The following INPP5D variants were observed in gnomAD, a reference collection of about 807,000 sequenced individuals.
The protein encoded by INPP5D is phosphatidylinositol 3,4,5-trisphosphate 5-phosphatase 1.
A neutral mutation model predicts 122.9 loss-of-function variants in INPP5D; 33 were observed. That is an observed-to-expected ratio of 0.27 (90% confidence interval 0.20 to 0.36). INPP5D has a LOEUF of 0.36. INPP5D is among the 10% of genes least tolerant of loss of function. The pLI is 1.00. For synonymous variants in INPP5D, 584 were observed against 576.2 expected (o/e 1.01, Z -0.19); for missense variants, 1,053 against 1,412.7 (o/e 0.75, Z 4.08).
chr2:233,156,549 C>A (rs146077639), intron 9 of INPP5D, among the ~76,000 whole-genome samples: 7,754 of 152,232 alleles, frequency 0.051, 654 homozygotes, highest in African/African-American at 0.18. Context: ...CCTGCCTCAG[C>A]CTCCCAAAGT....
Position 233,128,856 on chromosome 2 carries a change from C to A in INPP5D, c.525-1652C>A, listed in dbSNP as rs1693239564. 6.6e-6 allele frequency among the ~76,000 whole-genome samples: 1 copy of A among 152,164 alleles called. No individual in the cohort carries two copies. Among genetic ancestry groups the A allele is most frequent in the Non-Finnish European group, 1.5e-5 (1 of 68,034 alleles). On this transcript the variant is annotated intron_variant, in intron 4 of 26. Transcript: ENST00000445964. This position sits in a 1 kb window ranked among gnomAD's most constrained non-coding sequence, Gnocchi z 4.5. The stretch of plus-strand genomic sequence containing the variant: ...GGAAAAGCCTTGTGGCCTTTAGTTT[C>A]AATTTGATTACATATCAAGCCTGGA...
intron 5 of INPP5D, 176 bp downstream of exon 5, chr2:233,130,824 ATGGAATTTGAACAGTAGCTTG>A: frequency 1.3e-6 from 1 of 771,440 alleles, no homozygotes. Flanking sequence ...TCTTGTTATC[ATGGAATTTGAACAGTAGCTTG>A]TGTGTGCTGC....
At chr2:233,156,497 G>T (rs1694057881) in intron 9 of INPP5D, among the ~76,000 whole-genome samples, 1 of 152,136 alleles carries the variant, frequency 6.6e-6, no homozygotes, top group African/African-American at 2.4e-5. Flanking sequence ...GTTTCACCAT[G>T]TTGCCCAGGC....
At chr2:233,169,581 C>T (rs1179811373) in intron 14 of INPP5D, 180 bp downstream of exon 14, 3 of 928,830 alleles carry the variant, frequency 3.2e-6, no homozygotes, top group Admixed American at 3.0e-5. Flanking sequence ...AGTGACCTCA[C>T]GTGTGGAGGA....
intron 5 of INPP5D, among the ~76,000 whole-genome samples, chr2:233,132,267 G>A (rs10176909): frequency 0.039 from 5,868 of 152,318 alleles, 136 homozygotes; most frequent in African/African-American, 0.055. Context: ...AGAAAGAAAT[G>A]TATTTTAAGT....
In INPP5D at chr2:233,189,737, T is replaced by G; in HGVS notation, c.2359-113T>G. 1 of 1,477,690 alleles carries G rather than the reference T, an allele frequency of 6.8e-7. No homozygotes were observed. The highest frequency in any genetic ancestry group is 9.1e-7 in the Non-Finnish European group (1 of 1,101,080). The allele number at this position is 1,477,690 out of a possible 1,614,324, so 91.5% of individuals were successfully genotyped here. A position where few individuals can be genotyped will look rare whatever the true frequency, so the allele number is the denominator to read the frequency against. ...TCTCTTGGGTATGGACAGCAGAGAT[T>G]TAGATCTGATTACTAAGAACACCTT... On this transcript the variant is annotated intron_variant, in intron 21 of 26. Transcript: ENST00000445964. The surrounding 1 kb of genome is among the most constrained non-coding windows in gnomAD (Gnocchi z 5.6).
At chr2:233,185,204 G>A (rs755893527) in intron 20 of INPP5D, among the ~76,000 whole-genome samples, 1 of 152,148 alleles carries the variant, frequency 6.6e-6, no homozygotes, top group Non-Finnish European at 1.5e-5. Flanking sequence ...AGGGCATTTT[G>A]TGAGGGCCTG....
At chr2:233,144,379 C>A (rs1315619993) in intron 6 of INPP5D, among the ~76,000 whole-genome samples, 17 of 102,528 alleles carry the variant, frequency 1.7e-4, no homozygotes, top group Non-Finnish European at 2.2e-4. Flanking sequence ...TGGAGGTGGT[C>A]ATGATCACGG....
At chr2:233,148,287 T>A (rs1182708865) in intron 9 of INPP5D, among the ~76,000 whole-genome samples, 2 of 65,908 alleles carry the variant, frequency 3.0e-5, no homozygotes, top group African/African-American at 1.4e-4. Flanking sequence ...TACAGATGAA[T>A]GATCAGATGG....
chr2:233,190,401 C>A (rs1431653660), intron 22 of INPP5D, among the ~76,000 whole-genome samples: 1 of 152,192 alleles, frequency 6.6e-6, no homozygotes, highest in Non-Finnish European at 1.5e-5. Context: ...GCGGACTCCC[C>A]TCTGCTGACC....
rs1426313813 is a variant in INPP5D at position 233,174,014 on chromosome 2, C to T, written c.1989+2862C>T. Among the ~76,000 whole-genome samples, 4 of 152,228 alleles carry T rather than the reference C, an allele frequency of 2.6e-5. No homozygotes were observed. The South Asian group carries it at 8.3e-4, about 32-fold the overall frequency. On this transcript the variant is annotated intron_variant, in intron 17 of 26. Coordinates refer to ENST00000445964, the MANE Select transcript of INPP5D (RefSeq NM_001017915.3). Reference sequence around the variant, plus strand: ...GATGGTCAATGACATTATCACCCACCTCCACATCTCATCCCATGGAAGGTC... The same window carrying T: ...GATGGTCAATGACATTATCACCCACTTCCACATCTCATCCCATGGAAGGTC...
chr2:233,127,567 CAAAT>C (rs1693198338), intron 4 of INPP5D, among the ~76,000 whole-genome samples: 1 of 152,244 alleles, frequency 6.6e-6, no homozygotes, highest in Admixed American at 6.5e-5. Flanking sequence ...TTAGCCTTCT[CAAAT>C]AAACATAGTT....
chr2:233,124,946 T>C (rs956194653), intron 3 of INPP5D, among the ~76,000 whole-genome samples: 2 of 152,206 alleles, frequency 1.3e-5, no homozygotes, highest in African/African-American at 4.8e-5. Flanking sequence ...AGCAGACTCC[T>C]AGTTGTCTTC....
At chr2:233,114,064 C>T (rs1207683455) in intron 2 of INPP5D, among the ~76,000 whole-genome samples, 3 of 152,206 alleles carry the variant, frequency 2.0e-5, no homozygotes, top group African/African-American at 4.8e-5. Flanking sequence ...GCGCCACCAA[C>T]ACGCCCAGCT....
intron 5 of INPP5D, among the ~76,000 whole-genome samples, chr2:233,131,673 C>G (rs1172439397): frequency 6.6e-6 from 1 of 152,222 alleles, no homozygotes; most frequent in Non-Finnish European, 1.5e-5. Flanking sequence ...GCACTCCAGC[C>G]TGGGTAACAG....
Position 233,168,143 on chromosome 2 carries a change from C to G in INPP5D, c.1556-1162C>G, listed in dbSNP as rs537329407. ...ATCAATAGATCAAATTTTCTAGTAG[C>G]CACATTAAAAAGAAAACAAGTGAAA... On this transcript the variant is annotated intron_variant, in intron 13 of 26. Coordinates refer to ENST00000445964, the MANE Select transcript of INPP5D (RefSeq NM_001017915.3). 1.5e-4 allele frequency among the ~76,000 whole-genome samples: 23 copies of G among 151,844 alleles called. No homozygotes were observed. The Middle Eastern group carries it at 0.014, about 90-fold the overall frequency.
chr2:233,189,988 G>A lies in INPP5D; in HGVS notation c.2446+51G>A. The A allele has an allele frequency of 1.2e-6, 2 of 1,600,282 alleles. No individual in the cohort carries two copies. Among genetic ancestry groups the A allele is most frequent in the South Asian group, 2.2e-5 (2 of 89,404 alleles). On this transcript the variant is annotated intron_variant, in intron 22 of 26. Coordinates refer to ENST00000445964, the MANE Select transcript of INPP5D (RefSeq NM_001017915.3). The surrounding 1 kb of genome is among the most constrained non-coding windows in gnomAD (Gnocchi z 5.6). ...ACCTGCCTGTGAACTGGCGGCCTCT[G>A]ACGTAGCATTGCCTTCAGGGGAGCT... is the stretch of plus-strand genomic sequence containing the variant.
At chr2:233,122,004 G>A in intron 2 of INPP5D, 103 bp from the exon 3 acceptor site, 1 of 1,361,946 alleles carries the variant, frequency 7.3e-7, no homozygotes, top group Non-Finnish European at 1.0e-6. Flanking sequence ...CTGGATCGCA[G>A]TCACTCCCTC....
intron 2 of INPP5D, among the ~76,000 whole-genome samples, chr2:233,116,256 T>TAGATAC: frequency 8.2e-6 from 1 of 121,976 alleles, no homozygotes; most frequent in Middle Eastern, 3.9e-3. Context: ...TAGATAGATA[T>TAGATAC]AGATATAGAT....
Sources: gnomAD v4.1 joint callset for allele counts (sites outside exome capture counted in the v4.1 genomes callset) on GRCh38, gnomAD v4.1.1 for gene constraint, Gnocchi (gnomAD v3.1) non-coding constraint, MANE v1.5 for transcripts, NCBI Gene and HGNC (gene_info 2026-07-23, HGNC 2026-07-21) for gene names.